The following APEH variants were observed in gnomAD, a reference collection of about 807,000 sequenced individuals.
The protein encoded by APEH is acylaminoacyl-peptide hydrolase.
A neutral mutation model predicts 102.7 loss-of-function variants in APEH; 75 were observed. The observed-to-expected ratio is 0.73, with a 90% confidence interval of 0.61 to 0.89. The LOEUF is 0.89. APEH is among the 40% of genes least tolerant of loss of function. APEH has a pLI of 0.00. For synonymous variants in APEH, 344 were observed against 362.7 expected, an observed-to-expected ratio of 0.95 and a Z score of 0.59; for missense variants, 863 against 941.2, an observed-to-expected ratio of 0.92 and a Z score of 1.09.
rs537532715 is a variant in APEH, at chr3:49,682,200, C to T, written c.1604-148C>T. The T allele has an allele frequency of 1.2e-5, 11 of 925,964 alleles. No individual in the cohort carries two copies. The East Asian group carries it at 2.6e-4, about 22-fold the overall frequency. The allele number at this position is 925,964 out of a possible 1,614,324, so 57.4% of individuals were successfully genotyped here. A position where few individuals can be genotyped will look rare whatever the true frequency, so the allele number is the denominator to read the frequency against. ...GGGCGCTGTGGTCACTGGGTGGCAG[C>T]CTCAAATCTCTGAGTCCCTTCCCCT... On this transcript the variant is annotated intron_variant, in intron 17 of 21. Transcript: ENST00000296456.
intron 10 of APEH, 49 bp from the exon 11 acceptor site, chr3:49,677,524 A>T: frequency 6.5e-7 from 1 of 1,549,436 alleles, no homozygotes; most frequent in Non-Finnish European, 8.9e-7. Context: ...CTGTGCCCTA[A>T]GGGAACTGCC....
chr3:49,676,444 T>C lies in APEH; in HGVS notation c.673T>C (p.Cys225Arg). ...GGTTTCCAAAAGCATCCCTGTGCTC[T>C]GCGTGCTGGATGTCGAGAGTGGCAA... is the stretch of plus-strand genomic sequence containing the variant. ...NMVSKSIPVLCVLDVESGNIS... is the reference protein window; with the variant it reads ...NMVSKSIPVLRVLDVESGNIS... Residue 225 changes from cysteine (C) to arginine (R), a missense_variant, in exon 7 of 22, where the codon TGC (cysteine) becomes CGC (arginine). Physicochemically the swap from Cys to Arg is radical, Grantham distance 180 (BLOSUM62 -3). Transcript: ENST00000296456. 2 of 1,614,254 alleles carry C rather than the reference T, an allele frequency of 1.2e-6. No individual in the cohort carries two copies. Among genetic ancestry groups the C allele is most frequent in the Non-Finnish European group, 1.7e-6 (2 of 1,180,036 alleles).
chr3:49,681,354 A>G (rs1258639409), intron 15 of APEH, 115 bp downstream of exon 15: 2 of 1,253,592 alleles, frequency 1.6e-6, no homozygotes, highest in Non-Finnish European at 2.1e-6. Flanking sequence ...GATGACCTCT[A>G]AGAGGTTTTC....
rs1456143104 is a variant in APEH at position 49,683,097 on chromosome 3, C to T, written c.2044C>T (p.Gln682Ter). Residue 682 changes from glutamine to a stop codon, truncating the protein, a stop_gained, in exon 21 of 22, where the codon CAG becomes TAG. Coordinates refer to ENST00000296456, the MANE Select transcript of APEH (RefSeq NM_001640.4). LOFTEE classifies it high-confidence loss of function. ...GGAGGACCGGCGTGTGCCCTTCAAG[C>T]AGGGCATGGAGTATTACCGTGCCCT... ...GQEDRRVPFK[Q>*]GMEYYRALKT... 1.2e-6 allele frequency: 2 copies of T among 1,613,942 alleles called. No homozygotes were observed. The highest frequency in any genetic ancestry group is 1.7e-6 in the Non-Finnish European group (2 of 1,180,038).
chr3:49,674,074 G>C, upstream of APEH: 2 of 434,380 alleles, frequency 4.6e-6, no homozygotes, highest in South Asian at 3.6e-5. Flanking sequence ...CCACAGGGCC[G>C]CCCCCTCTCC....
chr3:49,676,769 G>C lies in APEH; in HGVS notation c.837-8G>C. ...CCTTGAGACTGAGTGTCTGTCTCGT[G>C]GTTCCAGGTCAGCCCTGTATTATGT... is the stretch of plus-strand genomic sequence containing the variant. On this transcript the variant is annotated splice_region_variant and splice_polypyrimidine_tract_variant and intron_variant, in intron 8 of 21. Transcript: ENST00000296456. 1 of 1,614,252 alleles carries C rather than the reference G, an allele frequency of 6.2e-7. No individual in the cohort carries two copies. The highest frequency in any genetic ancestry group is 8.5e-7 in the Non-Finnish European group (1 of 1,180,040).
chr3:49,681,110 T>C lies in APEH; in HGVS notation c.1309T>C (p.Phe437Leu). The change falls in exon 15 of 22, where the codon TTC becomes CTC. Residue 437 changes from phenylalanine (F) to leucine (L), a missense_variant. Physicochemically the swap from Phe to Leu is conservative, Grantham distance 22. Transcript: ENST00000296456. ...TCTTTCCCCTTGGCAGAAAGTTGGG[T>C]TCCTGCCTTCTGCAGGGAAGGAGCA... The part of the protein sequence containing the change: ...PSLPPTLKVG[F>L]LPSAGKEQSV... The C allele has an allele frequency of 6.3e-7, 1 of 1,585,756 alleles. No individual in the cohort carries two copies. Among genetic ancestry groups the C allele is most frequent in the Non-Finnish European group, 8.6e-7 (1 of 1,165,496 alleles).
intron 10 of APEH, 151 bp downstream of exon 10, chr3:49,677,175 T>C (rs1220141741): frequency 5.0e-6 from 6 of 1,190,946 alleles, no homozygotes; most frequent in South Asian, 1.5e-5. Context: ...GCCTGTCCTC[T>C]CAAGGAGGGC....
In APEH at chr3:49,679,928, AC is replaced by A. The variant is rs1391903165; in HGVS notation, c.1210+287del. 2.9e-6 allele frequency: 1 copy of A among 347,768 alleles called. No homozygotes were observed. Among genetic ancestry groups the A allele is most frequent in the Non-Finnish European group, 5.5e-6 (1 of 182,160 alleles). 21.5% of individuals were successfully genotyped at this position (347,768 alleles called of 1,614,324 possible). On this transcript the variant is annotated intron_variant, in intron 13 of 21. Transcript: ENST00000296456. This position sits in a 1 kb window ranked among gnomAD's most constrained non-coding sequence, Gnocchi z 4.3. ...CACGGCCCCCACCTCTGCTCCTAAA[AC>A]CCACAAAACTCTCTCTTATCAAGAT... is the stretch of plus-strand genomic sequence containing the variant.
At chr3:49,675,469 G>T in intron 3 of APEH, 160 bp downstream of exon 3, 1 of 1,163,720 alleles carries the variant, frequency 8.6e-7, no homozygotes. Flanking sequence ...ATAAGCACTG[G>T]AAGCTTGCTC....
Position 49,679,709 on chromosome 3 carries a change from G to A in APEH, c.1210+65G>A. Reference sequence around the variant, plus strand: ...GTGAGCAAGCCAACCAGGCAGCGGGGGACTGGAGCTCCAACATGTGGGGCA... The same window carrying A: ...GTGAGCAAGCCAACCAGGCAGCGGGAGACTGGAGCTCCAACATGTGGGGCA... On this transcript the variant is annotated intron_variant, in intron 13 of 21. Transcript: ENST00000296456. The surrounding 1 kb of genome is among the most constrained non-coding windows in gnomAD (Gnocchi z 4.3). 1 of 1,511,630 alleles carries A rather than the reference G, an allele frequency of 6.6e-7. No individual in the cohort carries two copies. The highest frequency in any genetic ancestry group is 1.4e-5 in the African/African-American group (1 of 72,900). 93.6% of individuals were successfully genotyped at this position (1,511,630 alleles called of 1,614,324 possible).
rs768405309 is a variant in APEH, at chr3:49,678,884, C to T, written c.1093C>T (p.Pro365Ser). The T allele has an allele frequency of 1.2e-6, 2 of 1,613,950 alleles. No homozygotes were observed. The highest frequency in any genetic ancestry group is 1.7e-6 in the Non-Finnish European group (2 of 1,179,970). ...NFSGIYCSLL[P>S]LGCWSADSQR... ...CTCTGGGATCTACTGCAGCCTTCTG[C>T]CTTTGGGATGCTGGTCAGCTGACAG... is the stretch of plus-strand genomic sequence containing the variant. Residue 365 changes from proline to serine, a missense_variant, in exon 12 of 22, where the codon CCT (proline) becomes TCT (serine). Physicochemically the swap from Pro to Ser is moderately conservative, Grantham distance 74. Transcript: ENST00000296456.
Position 49,676,874 on chromosome 3 carries a change from C to T in APEH, c.878-29C>T, listed in dbSNP as rs143425800. 8.7e-5 allele frequency: 141 copies of T among 1,614,204 alleles called. No homozygotes were observed. In the East Asian group the frequency reaches 1.3e-3, roughly 15 times the overall value. ...GACACATGTTGGCCCTGCCAGCCTG[C>T]GTGATGCTCATGTTTCCATCTGGCC... On this transcript the variant is annotated intron_variant, in intron 9 of 21. Transcript: ENST00000296456.
chr3:49,681,267 C>A, intron 15 of APEH, 28 bp downstream of exon 15: 4 of 1,516,982 alleles, frequency 2.6e-6, no homozygotes, highest in South Asian at 1.3e-5. Flanking sequence ...CAGAGGGATG[C>A]CTTCTCCAGG....
chr3:49,674,567 C>T lies in APEH; in HGVS notation c.91C>T (p.Leu31=), dbSNP rs1205333537. 3.2e-6 allele frequency: 5 copies of T among 1,570,856 alleles called. No individual in the cohort carries two copies. In the Admixed American group the frequency reaches 9.2e-5, roughly 29 times the overall value. Residue 31 remains leucine (L), a synonymous_variant, in exon 2 of 22, where the codon CTG becomes TTG. Coordinates refer to ENST00000296456, the MANE Select transcript of APEH (RefSeq NM_001640.4). ...SRQPALSAAC[L]GPEVTTQYGG... is the part of the protein sequence containing the mutation. Reference sequence around the variant, plus strand: ...CCAGCCCGCGCTGAGCGCCGCCTGCCTGGGCCCGGAGGTCACCACGCAGTA... The same window carrying T: ...CCAGCCCGCGCTGAGCGCCGCCTGCTTGGGCCCGGAGGTCACCACGCAGTA...
At position 49,676,766 on chromosome 3, in the gene APEH, C is replaced by T. The variant is rs554073292; in HGVS notation, c.837-11C>T. On this transcript the variant is annotated splice_polypyrimidine_tract_variant and intron_variant, in intron 8 of 21. Coordinates refer to ENST00000296456, the MANE Select transcript of APEH (RefSeq NM_001640.4). The stretch of plus-strand genomic sequence containing the variant: ...TGGCCTTGAGACTGAGTGTCTGTCT[C>T]GTGGTTCCAGGTCAGCCCTGTATTA... The T allele has an allele frequency of 4.3e-6, 7 of 1,614,220 alleles. No individual in the cohort carries two copies. The African/African-American group carries it at 5.3e-5, about 12-fold the overall frequency.
rs376312594 is a variant in APEH, at chr3:49,682,797, C to T, written c.1884-46C>T. 339 of 1,613,334 alleles carry T rather than the reference C, an allele frequency of 2.1e-4. 2 individuals carry two copies. Among genetic ancestry groups the T allele is most frequent in the South Asian group, 1.4e-3 (128 of 91,070 alleles). On this transcript the variant is annotated intron_variant, in intron 19 of 21. Coordinates refer to ENST00000296456, the MANE Select transcript of APEH (RefSeq NM_001640.4). ...TCTACCTCAAATTCTCATGGAGCCC[C>T]GTAGCCCCAGAATTCCTGGGGCTGC...
Position 49,683,816 on chromosome 3 carries a change from C to T in APEH, c.*474C>T. ...CCATGGGCAAAAGTAGTCCCAGGGA[C>T]ATTGCCTTGGTTGGGGAAGCCCCTA... On this transcript the variant is annotated 3_prime_UTR_variant, in exon 22 of 22. Coordinates refer to ENST00000296456, the MANE Select transcript of APEH (RefSeq NM_001640.4). The T allele has an allele frequency of 2.9e-6, 2 of 679,698 alleles. No homozygotes were observed. The highest frequency in any genetic ancestry group is 4.9e-6 in the Non-Finnish European group (2 of 411,672). 42.1% of individuals were successfully genotyped at this position (679,698 alleles called of 1,614,324 possible). A position where few individuals can be genotyped will look rare whatever the true frequency, so the allele number is the denominator to read the frequency against.
rs2052975001 is a variant in APEH at position 49,675,280 on chromosome 3, T to C, written c.243T>C (p.Pro81=). 6.2e-7 allele frequency: 1 copy of C among 1,613,870 alleles called. No homozygotes were observed. The highest frequency in any genetic ancestry group is 1.3e-5 in the African/African-American group (1 of 74,924). ...HDGDSVVFAG[P]AGNSVETRGE... ...GGGACTCAGTGGTGTTTGCAGGACC[T>C]GCAGGCAACAGTGTGGAGACCCGGG... Residue 81 remains proline, a synonymous_variant, in exon 3 of 22, where the codon CCT becomes CCC. Coordinates refer to ENST00000296456, the MANE Select transcript of APEH (RefSeq NM_001640.4).
Sources: gnomAD v4.1 joint callset for allele counts on GRCh38, gnomAD v4.1.1 for gene constraint, Gnocchi (gnomAD v3.1) non-coding constraint, MANE v1.5 for transcripts, NCBI Gene and HGNC (gene_info 2026-07-23, HGNC 2026-07-21) for gene names.